TTBK2: variants seen among roughly 807,000 people sequenced by gnomAD.
TTBK2 encodes the protein tau tubulin kinase 2.
A neutral mutation model predicts 110.8 loss-of-function variants in TTBK2; 28 were observed. The observed-to-expected ratio is 0.25, with a 90% confidence interval of 0.19 to 0.35. The LOEUF (loss-of-function observed/expected upper bound fraction) is 0.35, where lower values mean the gene tolerates loss of function less well. Ranked by LOEUF, TTBK2 falls within the 10% of genes least tolerant of loss-of-function variation. The pLI is 1.00. For synonymous variants in TTBK2, 532 were observed against 527.3 expected (o/e 1.01, Z -0.12); for missense variants, 1,369 against 1,500.3 (o/e 0.91, Z 1.45).
chr15:42,910,936 T>C (rs1316040662), intron 1 of TTBK2, among the ~76,000 whole-genome samples: 5 of 149,850 alleles, frequency 3.3e-5, no homozygotes, highest in Admixed American at 3.3e-4. Context: ...CCCAGCTACT[T>C]GGGAGGCTGA....
chr15:42,884,754 A>G lies in TTBK2; in HGVS notation c.-67-6070T>C, dbSNP rs537957279. The stretch of plus-strand genomic sequence containing the variant: ...ACAAAAGCACAAGTTTTGGAAACTA[A>G]TAAGTGTCAGGCCTCTGAGCCCAAG... On this transcript the variant is annotated intron_variant, in intron 1 of 14. Coordinates refer to ENST00000267890, the MANE Select transcript of TTBK2 (RefSeq NM_173500.4). Among the ~76,000 whole-genome samples, 30 of 152,336 alleles carry G rather than the reference A, an allele frequency of 2.0e-4. No homozygotes were observed. The South Asian group carries it at 5.6e-3, about 28-fold the overall frequency.
chr15:42,812,302 A>C (rs13379871), intron 7 of TTBK2, among the ~76,000 whole-genome samples: 2,423 of 151,620 alleles, frequency 0.016, 73 homozygotes, highest in African/African-American at 0.056. Context: ...TGGTGTGTAC[A>C]TTATACTGTA....
At chr15:42,852,613 T>A (rs767909400) in intron 3 of TTBK2, among the ~76,000 whole-genome samples, 1 of 152,176 alleles carries the variant, frequency 6.6e-6, no homozygotes, top group Admixed American at 6.5e-5. Flanking sequence ...TTCAAGGAAA[T>A]AGACCTCTGC....
intron 14 of TTBK2, among the ~76,000 whole-genome samples, chr15:42,746,632 C>T (rs1456571920): frequency 1.3e-5 from 2 of 152,222 alleles, no homozygotes; most frequent in East Asian, 3.9e-4. Context: ...CATGTTAGCA[C>T]ATAAGACAGA....
intron 9 of TTBK2, among the ~76,000 whole-genome samples, chr15:42,803,770 T>C (rs1891323611): frequency 6.6e-6 from 1 of 152,010 alleles, no homozygotes; most frequent in African/African-American, 2.4e-5. Context: ...GTGGCTCACA[T>C]CTGTAATCCC....
chr15:42,768,884 A>G (rs1305871054), intron 13 of TTBK2, among the ~76,000 whole-genome samples: 1 of 152,198 alleles, frequency 6.6e-6, no homozygotes, highest in Non-Finnish European at 1.5e-5. Flanking sequence ...CAGTAACCAA[A>G]ACAGCATGGT....
chr15:42,786,721 C>G (rs892394723), intron 10 of TTBK2, among the ~76,000 whole-genome samples: 1 of 152,178 alleles, frequency 6.6e-6, no homozygotes, highest in Non-Finnish European at 1.5e-5. Flanking sequence ...ATCTTCTCCA[C>G]ACAGGCTCTC....
At chr15:42,906,846 G>C (rs953502251) in intron 1 of TTBK2, among the ~76,000 whole-genome samples, 4 of 151,788 alleles carry the variant, frequency 2.6e-5, no homozygotes, top group Non-Finnish European at 4.4e-5. Flanking sequence ...TAAATAATCT[G>C]ATTTTTAAAT....
intron 1 of TTBK2, among the ~76,000 whole-genome samples, chr15:42,900,045 G>A (rs2029897112): frequency 6.6e-6 from 1 of 151,798 alleles, no homozygotes; most frequent in Non-Finnish European, 1.5e-5. Flanking sequence ...CCAGGCTGGA[G>A]TACAATGGCA....
intron 1 of TTBK2, among the ~76,000 whole-genome samples, chr15:42,915,008 G>T (rs2031000673): frequency 6.6e-6 from 1 of 152,202 alleles, no homozygotes; most frequent in Admixed American, 6.5e-5. Flanking sequence ...CCAACCCCTA[G>T]CACAGTAACA....
chr15:42,830,030 T>C lies in TTBK2; in HGVS notation c.340A>G (p.Thr114Ala). Reference sequence around the variant, plus strand: ...CCCAGCCGGAGAGTGGTACTAATGGTGAATGTGCCTCGGGACTGGCTACGG... The same window carrying C: ...CCCAGCCGGAGAGTGGTACTAATGGCGAATGTGCCTCGGGACTGGCTACGG... ...LRRSQSRGTF[T>A]ISTTLRLGRQ... is the part of the protein sequence containing the mutation. The change falls in exon 5 of 15, where the codon ACC becomes GCC. Residue 114 changes from threonine to alanine, a missense_variant. This residue lies in a region of TTBK2 where 122 missense variants were observed against 159.7 expected (regional missense o/e 0.76). Transcript: ENST00000267890. 6.2e-7 allele frequency: 1 copy of C among 1,614,110 alleles called. No homozygotes were observed. Among genetic ancestry groups the C allele is most frequent in the Non-Finnish European group, 8.5e-7 (1 of 1,180,022 alleles).
chr15:42,806,779 T>C (rs1255240832), intron 9 of TTBK2, among the ~76,000 whole-genome samples: 2 of 152,124 alleles, frequency 1.3e-5, no homozygotes, highest in Non-Finnish European at 2.9e-5. Flanking sequence ...CAACACAAAT[T>C]TGTAAACTTT....
rs1390740068 is a variant in TTBK2 at position 42,739,088 on chromosome 15, T to A, written c.*6707A>T. On this transcript the variant is annotated 3_prime_UTR_variant, in exon 15 of 15. Coordinates refer to ENST00000267890, the MANE Select transcript of TTBK2 (RefSeq NM_173500.4). ...CTTTAATATGATACAAATGGGAAAA[T>A]TAAATAAATAATTACACTTTTATGT... 6.6e-6 allele frequency: 1 copy of A among 152,090 alleles called. No homozygotes were observed. Among genetic ancestry groups the A allele is most frequent in the Non-Finnish European group, 1.5e-5 (1 of 68,012 alleles). The allele number at this position is 152,090 out of a possible 1,614,324, so 9.4% of individuals were successfully genotyped here.
At chr15:42,800,758 TG>T (rs201597323) in intron 9 of TTBK2, among the ~76,000 whole-genome samples, 1 of 149,448 alleles carries the variant, frequency 6.7e-6, no homozygotes, top group East Asian at 1.9e-4. Flanking sequence ...AGGTTTATTT[TG>T]GGAAAAAAAA....
At chr15:42,896,231 G>A (rs1274011714) in intron 1 of TTBK2, among the ~76,000 whole-genome samples, 1 of 152,082 alleles carries the variant, frequency 6.6e-6, no homozygotes, top group Non-Finnish European at 1.5e-5. Flanking sequence ...GGGAGGCTGA[G>A]GCAGGAGAAT....
At chr15:42,790,478 T>A (rs539192488) in intron 10 of TTBK2, among the ~76,000 whole-genome samples, 1 of 151,568 alleles carries the variant, frequency 6.6e-6, no homozygotes, top group South Asian at 2.1e-4. Flanking sequence ...AGAGACAGGG[T>A]TTCACCATGT....
chr15:42,898,845 C>CT (rs1335729347), intron 1 of TTBK2, among the ~76,000 whole-genome samples: 1 of 152,192 alleles, frequency 6.6e-6, no homozygotes, highest in East Asian at 1.9e-4. Context: ...AAAGTGAATA[C>CT]TTCCCAAAGG....
At chr15:42,826,562 C>T (rs559779565) in intron 6 of TTBK2, among the ~76,000 whole-genome samples, 1 of 152,316 alleles carries the variant, frequency 6.6e-6, no homozygotes, top group East Asian at 1.9e-4. Flanking sequence ...AGCCAAGTCT[C>T]AGCCAACCAC....
At chr15:42,753,944 A>T (rs1402714939) in intron 13 of TTBK2, among the ~76,000 whole-genome samples, 1 of 152,216 alleles carries the variant, frequency 6.6e-6, no homozygotes, top group African/African-American at 2.4e-5. Flanking sequence ...TTATTGGCAA[A>T]TAATTGTTCA....
Sources: allele counts gnomAD v4.1 joint callset (sites outside exome capture counted in the v4.1 genomes callset), GRCh38; gene constraint gnomAD v4.1.1; regional missense constraint gnomAD v4.1.1; transcripts MANE v1.5; gene names NCBI Gene and HGNC (gene_info 2026-07-23, HGNC 2026-07-21).